XKR6: variants seen among roughly 807,000 people sequenced by gnomAD.
XKR6 encodes XK related 6.
A neutral mutation model predicts 56.7 loss-of-function variants in XKR6; 22 were observed. That is an observed-to-expected ratio of 0.39 (90% confidence interval 0.28 to 0.55). XKR6 has a LOEUF of 0.55. XKR6 is among the 20% of genes least tolerant of loss of function. XKR6 has a pLI of 0.66. For missense variants in XKR6, 852 were observed against 889.0 expected, an observed-to-expected ratio of 0.96 and a Z score of 0.53; for synonymous variants, 524 against 387.8, an observed-to-expected ratio of 1.35 and a Z score of -4.13.
At chr8:11,078,464 G>A (rs1177598380) in intron 1 of XKR6, among the ~76,000 whole-genome samples, 2 of 152,120 alleles carry the variant, frequency 1.3e-5, no homozygotes, top group East Asian at 1.9e-4. Context: ...ACTATTCCAC[G>A]TGCTGCTGAC....
intron 1 of XKR6, among the ~76,000 whole-genome samples, chr8:11,003,132 C>T (rs542972779): frequency 2.0e-5 from 3 of 152,062 alleles, no homozygotes; most frequent in Non-Finnish European, 4.4e-5. Flanking sequence ...CATCAACCCA[C>T]CACCTGCCAA....
At chr8:10,978,540 T>G (rs1797647720) in intron 1 of XKR6, among the ~76,000 whole-genome samples, 1 of 152,166 alleles carries the variant, frequency 6.6e-6, no homozygotes, top group Non-Finnish European at 1.5e-5. Context: ...GGCTTTTTAT[T>G]AGGGTCTCGT....
intron 2 of XKR6, among the ~76,000 whole-genome samples, chr8:10,917,851 C>T (rs903787257): frequency 6.6e-6 from 1 of 152,230 alleles, no homozygotes; most frequent in Non-Finnish European, 1.5e-5. Context: ...TCAACTTCCT[C>T]ATCTGTAAAA....
intron 1 of XKR6, among the ~76,000 whole-genome samples, chr8:11,117,589 TA>T (rs1449472240): frequency 6.6e-6 from 1 of 152,014 alleles, no homozygotes; most frequent in Admixed American, 6.6e-5. Context: ...TGTGAAACCA[TA>T]AAAATGTGAA....
At position 10,973,429 on chromosome 8, in the gene XKR6, T is replaced by G. The variant is rs775613749; in HGVS notation, c.765-48599A>C. ...AGAGTGATATTATCTGAGAGCTCCGTGTGCACCAGCCAGTCTTTCCCATAC... is the reference window on the plus strand; with the variant it reads ...AGAGTGATATTATCTGAGAGCTCCGGGTGCACCAGCCAGTCTTTCCCATAC... On this transcript the variant is annotated intron_variant, in intron 1 of 2. Coordinates refer to ENST00000416569, the MANE Select transcript of XKR6 (RefSeq NM_173683.4). 1.5e-3 allele frequency among the ~76,000 whole-genome samples: 234 copies of G among 152,284 alleles called. 1 individual carries two copies. Among genetic ancestry groups the G allele is most frequent in the Middle Eastern group, 3.4e-3 (1 of 294 alleles).
At chr8:10,994,997 C>T (rs1429673917) in intron 1 of XKR6, among the ~76,000 whole-genome samples, 1 of 152,164 alleles carries the variant, frequency 6.6e-6, no homozygotes, top group Admixed American at 6.5e-5. Context: ...GAGCTCAAGC[C>T]CTGTGTCACA....
chr8:11,165,022 G>A (rs1802000572), intron 1 of XKR6, among the ~76,000 whole-genome samples: 2 of 145,396 alleles, frequency 1.4e-5, no homozygotes, highest in Admixed American at 1.4e-4. Context: ...GATACGCCTT[G>A]AATCCAAGAA....
At chr8:10,985,833 C>T (rs1023956543) in intron 1 of XKR6, among the ~76,000 whole-genome samples, 3 of 152,054 alleles carry the variant, frequency 2.0e-5, no homozygotes, top group East Asian at 3.8e-4. Context: ...CTTGAACTCC[C>T]GAGCTCAAGC....
intron 1 of XKR6, among the ~76,000 whole-genome samples, chr8:11,163,281 T>C (rs1434966108): frequency 1.3e-5 from 2 of 152,210 alleles, no homozygotes; most frequent in African/African-American, 2.4e-5. Flanking sequence ...AGTATAAGCA[T>C]TGCACAGCTT....
At chr8:11,060,238 T>C (rs999590773) in intron 1 of XKR6, among the ~76,000 whole-genome samples, 1 of 152,166 alleles carries the variant, frequency 6.6e-6, no homozygotes, top group African/African-American at 2.4e-5. Flanking sequence ...CAGTGACTAA[T>C]AGCCAGACTT....
chr8:11,168,182 T>C (rs978624484), intron 1 of XKR6, among the ~76,000 whole-genome samples: 2 of 152,124 alleles, frequency 1.3e-5, no homozygotes, highest in Admixed American at 1.3e-4. Flanking sequence ...TATAGCCCAT[T>C]CAAAGGAACG....
At chr8:11,034,672 A>G (rs1030041361) in intron 1 of XKR6, among the ~76,000 whole-genome samples, 1 of 152,210 alleles carries the variant, frequency 6.6e-6, no homozygotes, top group African/African-American at 2.4e-5. Flanking sequence ...TAAAGATACC[A>G]GCACATGACT....
At chr8:11,028,319 C>T (rs189323356) in intron 1 of XKR6, among the ~76,000 whole-genome samples, 149 of 152,300 alleles carry the variant, frequency 9.8e-4, no homozygotes, top group African/African-American at 3.4e-3. Context: ...GATATCCCAT[C>T]GTTTGCATGG....
chr8:11,147,219 G>A (rs929800234), intron 1 of XKR6, among the ~76,000 whole-genome samples: 1 of 152,092 alleles, frequency 6.6e-6, no homozygotes, highest in African/African-American at 2.4e-5. Context: ...AACTTATCAA[G>A]TTGTATAAAT....
chr8:10,905,377 G>T (rs1800156461), intron 2 of XKR6, among the ~76,000 whole-genome samples: 1 of 152,088 alleles, frequency 6.6e-6, no homozygotes, highest in Non-Finnish European at 1.5e-5. Flanking sequence ...CCCACCCTTA[G>T]CTGTTCCCCA....
At chr8:11,095,241 G>A (rs1005454300) in intron 1 of XKR6, among the ~76,000 whole-genome samples, 4 of 152,176 alleles carry the variant, frequency 2.6e-5, no homozygotes, top group East Asian at 1.9e-4. Flanking sequence ...AATATTATCT[G>A]CAAGGTCAAC....
chr8:11,072,469 C>T (rs1346643170), intron 1 of XKR6, among the ~76,000 whole-genome samples: 1 of 152,260 alleles, frequency 6.6e-6, no homozygotes, highest in East Asian at 1.9e-4. Flanking sequence ...CAGAGCTCCT[C>T]TCAACAACCA....
intron 1 of XKR6, among the ~76,000 whole-genome samples, chr8:11,199,951 G>C (rs181247950): frequency 6.6e-5 from 10 of 151,596 alleles, no homozygotes; most frequent in African/African-American, 1.9e-4. Context: ...CTAAGAAAAG[G>C]ACACGTCTAA....
intron 2 of XKR6, among the ~76,000 whole-genome samples, chr8:10,913,400 G>C (rs950148705): frequency 1.3e-5 from 2 of 152,014 alleles, no homozygotes; most frequent in Non-Finnish European, 2.9e-5. Context: ...GTTAACCGTT[G>C]CCTTGCCCCT....
Sources: allele counts gnomAD v4.1 joint callset (sites outside exome capture counted in the v4.1 genomes callset), GRCh38; gene constraint gnomAD v4.1.1; transcripts MANE v1.5; gene names NCBI Gene and HGNC (gene_info 2026-07-23, HGNC 2026-07-21).